NDUFS4: variants seen among roughly 807,000 people sequenced by gnomAD.
The protein encoded by NDUFS4 is NADH:ubiquinone oxidoreductase subunit S4, also known as NADH dehydrogenase [ubiquinone] iron-sulfur protein 4, mitochondrial.
A neutral mutation model predicts 24.3 loss-of-function variants in NDUFS4; 28 were observed. The ratio of observed to expected loss-of-function variants is 1.15; its 90% CI spans 0.85 to 1.58. NDUFS4 has a LOEUF of 1.58. NDUFS4 is among the 40% of genes most tolerant of loss of function. The probability of loss-of-function intolerance (pLI) is 0.00; values close to 1 mark genes in which losing one functional copy is unlikely to be tolerated. For missense variants in NDUFS4, 223 were observed against 207.9 expected (o/e 1.07, Z -0.45); for synonymous variants, 93 against 69.7 (o/e 1.34, Z -1.67).
intron 2 of NDUFS4, among the ~76,000 whole-genome samples, chr5:53,632,635 A>G (rs1433749803): frequency 1.3e-5 from 2 of 152,130 alleles, no homozygotes; most frequent in South Asian, 2.1e-4. Flanking sequence ...TTTCTGTACC[A>G]TAGTCTGATA....
chr5:53,594,466 T>C (rs549941595), intron 1 of NDUFS4, among the ~76,000 whole-genome samples: 1 of 152,258 alleles, frequency 6.6e-6, no homozygotes, highest in East Asian at 1.9e-4. Flanking sequence ...TTGTGTCTTA[T>C]TTTTTAATCT....
intron 4 of NDUFS4, among the ~76,000 whole-genome samples, chr5:53,669,626 CTCAG>C (rs758352744): frequency 2.5e-4 from 38 of 152,206 alleles, no homozygotes; most frequent in Non-Finnish European, 2.6e-4. Flanking sequence ...TTGTACTGCA[CTCAG>C]TCAGAAGCAT....
intron 1 of NDUFS4, among the ~76,000 whole-genome samples, chr5:53,598,001 T>C (rs1750180676): frequency 6.6e-6 from 1 of 152,272 alleles, no homozygotes; most frequent in African/African-American, 2.4e-5. Flanking sequence ...CATATGAAAA[T>C]ATGTTCAACG....
chr5:53,616,746 A>G (rs574559413), intron 2 of NDUFS4, among the ~76,000 whole-genome samples: 1 of 152,322 alleles, frequency 6.6e-6, no homozygotes, highest in South Asian at 2.1e-4. Flanking sequence ...GGCTTTATAT[A>G]ATTCTAAGTA....
At chr5:53,629,140 A>G (rs1474398496) in intron 2 of NDUFS4, among the ~76,000 whole-genome samples, 2 of 152,130 alleles carry the variant, frequency 1.3e-5, no homozygotes, top group Non-Finnish European at 1.5e-5. Context: ...TTATTTACCC[A>G]GTAGTCATTC....
intron 4 of NDUFS4, among the ~76,000 whole-genome samples, chr5:53,682,375 T>C (rs577128861): frequency 1.4e-3 from 207 of 152,030 alleles, no homozygotes; most frequent in Admixed American, 3.0e-3. Flanking sequence ...TAGCGGCCCT[T>C]ACTTTTTTAT....
intron 4 of NDUFS4, among the ~76,000 whole-genome samples, chr5:53,665,616 C>A (rs1034211738): frequency 2.6e-5 from 4 of 152,202 alleles, no homozygotes. Flanking sequence ...GGCATAGGAC[C>A]CTCCGAGCCA....
intron 4 of NDUFS4, among the ~76,000 whole-genome samples, chr5:53,676,477 A>G (rs1740473572): frequency 6.6e-6 from 1 of 152,202 alleles, no homozygotes; most frequent in Non-Finnish European, 1.5e-5. Context: ...CATTGAACTC[A>G]CAGCCAACAG....
intron 2 of NDUFS4, among the ~76,000 whole-genome samples, chr5:53,633,883 T>C (rs898413979): frequency 2.6e-5 from 4 of 152,204 alleles, no homozygotes; most frequent in African/African-American, 9.6e-5. Context: ...ACTTCACATT[T>C]ACAAAACTGA....
chr5:53,580,392 G>A (rs971649702), intron 1 of NDUFS4, among the ~76,000 whole-genome samples: 2 of 152,246 alleles, frequency 1.3e-5, no homozygotes, highest in African/African-American at 4.8e-5. Context: ...GAGATAGTAT[G>A]TGAGTCTCCT....
chr5:53,573,805 T>G, intron 1 of NDUFS4: 1 of 236,972 alleles, frequency 4.2e-6, no homozygotes. Context: ...TTGCCCATGC[T>G]TGTCTCAAAC....
intron 1 of NDUFS4, among the ~76,000 whole-genome samples, chr5:53,571,798 A>G (rs1037450878): frequency 2.0e-5 from 3 of 152,176 alleles, no homozygotes; most frequent in African/African-American, 2.4e-5. Context: ...TGGTTTTAAT[A>G]TGCATTTCTC....
intron 2 of NDUFS4, among the ~76,000 whole-genome samples, chr5:53,621,455 G>A (rs1320211162): frequency 3.3e-5 from 5 of 151,800 alleles, no homozygotes; most frequent in Non-Finnish European, 7.4e-5. Flanking sequence ...CCATCTTGCT[G>A]CTTGTTTTCT....
chr5:53,638,233 T>C (rs114782653), intron 2 of NDUFS4, among the ~76,000 whole-genome samples: 2,854 of 152,230 alleles, frequency 0.019, 55 homozygotes, highest in Middle Eastern at 0.078. Context: ...ATAATTTAAC[T>C]TATCAAATGA....
chr5:53,587,971 T>G (rs1210594669), intron 1 of NDUFS4, among the ~76,000 whole-genome samples: 1 of 152,138 alleles, frequency 6.6e-6, no homozygotes, highest in Non-Finnish European at 1.5e-5. Context: ...CTTGTTTAGG[T>G]TGAAGGTGCC....
chr5:53,654,404 G>C (rs946296048), intron 3 of NDUFS4, among the ~76,000 whole-genome samples: 2 of 152,066 alleles, frequency 1.3e-5, no homozygotes, highest in Non-Finnish European at 2.9e-5. Flanking sequence ...GGTGGAGGGA[G>C]TGTGCACACA....
intron 2 of NDUFS4, among the ~76,000 whole-genome samples, chr5:53,620,220 A>G (rs1397456906): frequency 6.6e-6 from 1 of 152,184 alleles, no homozygotes; most frequent in Admixed American, 6.5e-5. Flanking sequence ...ATGTAACTTT[A>G]GAGATATGGC....
At chr5:53,603,979 A>G (rs1188620923) in intron 2 of NDUFS4, among the ~76,000 whole-genome samples, 2 of 152,144 alleles carry the variant, frequency 1.3e-5, no homozygotes, top group Non-Finnish European at 2.9e-5. Flanking sequence ...CACACATTTT[A>G]TTTCTTCATA....
chr5:53,576,877 T>C lies in NDUFS4; in HGVS notation c.98+16117T>C, dbSNP rs76675850. On this transcript the variant is annotated intron_variant, in intron 1 of 4. Transcript: ENST00000296684. Reference sequence around the variant, plus strand: ...TGTTCACCCATTCAACAAATATTTGTATTTCTTTTCTAGCTTCAAAGGCTG... The same window carrying C: ...TGTTCACCCATTCAACAAATATTTGCATTTCTTTTCTAGCTTCAAAGGCTG... Among the ~76,000 whole-genome samples the C allele has an allele frequency of 4.8e-3, 731 of 152,348 alleles. 3 individuals are homozygous for C. The highest frequency in any genetic ancestry group is 6.1e-3 in the Non-Finnish European group (413 of 68,020).
Sources: gnomAD v4.1 joint callset for allele counts (sites outside exome capture counted in the v4.1 genomes callset) on GRCh38, gnomAD v4.1.1 for gene constraint, MANE v1.5 for transcripts, NCBI Gene and HGNC (gene_info 2026-07-23, HGNC 2026-07-21) for gene names.